Variants in CETN3 observed in about 807,000 individuals in gnomAD.
CETN3 encodes centrin 3.
A neutral mutation model predicts 20.1 loss-of-function variants in CETN3; 17 were observed. That is an observed-to-expected ratio of 0.85 (90% confidence interval 0.58 to 1.27). CETN3 has a LOEUF of 1.27. Ranked by LOEUF, CETN3 falls within the 50% of genes most tolerant of loss-of-function variation. The pLI is 0.00. For synonymous variants in CETN3, 52 were observed against 59.7 expected (o/e 0.87, Z 0.59); for missense variants, 169 against 191.2 (o/e 0.88, Z 0.69).
At chr5:90,395,364 C>T (rs1488935671) in intron 4 of CETN3, among the ~76,000 whole-genome samples, 1 of 152,078 alleles carries the variant, frequency 6.6e-6, no homozygotes, top group African/African-American at 2.4e-5. Context: ...ACATTGGTAT[C>T]ATAGCTTTAT....
At chr5:90,394,756 A>C (rs1012499333) in intron 4 of CETN3, among the ~76,000 whole-genome samples, 5 of 152,072 alleles carry the variant, frequency 3.3e-5, no homozygotes, top group Non-Finnish European at 5.9e-5. Context: ...GGCAGAAAAT[A>C]ATCATGGATA....
chr5:90,398,430 G>A (rs1472185282), intron 4 of CETN3, among the ~76,000 whole-genome samples: 1 of 152,162 alleles, frequency 6.6e-6, no homozygotes, highest in African/African-American at 2.4e-5. Context: ...TTCATAGAGC[G>A]TTATGGGAAG....
chr5:90,409,019 T>G (rs1480034221), intron 1 of CETN3, among the ~76,000 whole-genome samples: 1 of 152,138 alleles, frequency 6.6e-6, no homozygotes, highest in African/African-American at 2.4e-5. Context: ...TGGAATATTT[T>G]CGGAGTGTCG....
chr5:90,402,851 G>A (rs1011292600), intron 3 of CETN3, among the ~76,000 whole-genome samples: 1 of 152,170 alleles, frequency 6.6e-6, no homozygotes, highest in African/African-American at 2.4e-5. Flanking sequence ...TAAACTCCCT[G>A]AAAGAAGAAC....
intron 4 of CETN3, among the ~76,000 whole-genome samples, chr5:90,397,536 G>C (rs1749163808): frequency 6.6e-6 from 1 of 152,020 alleles, no homozygotes; most frequent in Non-Finnish European, 1.5e-5. Context: ...AAGTACCTTA[G>C]AGACCATCTG....
intron 1 of CETN3, among the ~76,000 whole-genome samples, chr5:90,408,756 C>T (rs1749535583): frequency 6.7e-6 from 1 of 148,814 alleles, no homozygotes; most frequent in South Asian, 2.1e-4. Flanking sequence ...ACTTAAAACA[C>T]CTATCTAGTT....
chr5:90,398,720 G>A (rs1168245511), intron 4 of CETN3, among the ~76,000 whole-genome samples: 1 of 152,156 alleles, frequency 6.6e-6, no homozygotes, highest in African/African-American at 2.4e-5. Context: ...AGGCACTGAA[G>A]AATCGTTTCA....
chr5:90,405,396 A>G (rs556385486), intron 3 of CETN3: 516 of 389,878 alleles, frequency 1.3e-3, no homozygotes, highest in Non-Finnish European at 1.5e-3. Context: ...TTTATCACAT[A>G]ATATAAATAC....
At chr5:90,395,212 G>A (rs1483323149) in intron 4 of CETN3, among the ~76,000 whole-genome samples, 1 of 151,984 alleles carries the variant, frequency 6.6e-6, no homozygotes, top group African/African-American at 2.4e-5. Context: ...TTTTTAAGTG[G>A]CTAGTGAATG....
intron 1 of CETN3, 116 bp downstream of exon 1, chr5:90,409,529 C>T: frequency 7.9e-7 from 1 of 1,259,724 alleles, no homozygotes; most frequent in Non-Finnish European, 1.2e-6. Context: ...TCCTTTCCCG[C>T]GTCCCAAACT....
intron 1 of CETN3, among the ~76,000 whole-genome samples, 192 bp downstream of exon 1, chr5:90,409,453 C>T (rs1003574648): frequency 9.9e-5 from 15 of 152,230 alleles, no homozygotes; most frequent in Non-Finnish European, 2.1e-4. Flanking sequence ...CAGAAATGCA[C>T]TGGTCTCGTT....
intron 3 of CETN3, among the ~76,000 whole-genome samples, chr5:90,403,905 A>G (rs531763741): frequency 5.4e-5 from 8 of 148,700 alleles, no homozygotes; most frequent in African/African-American, 2.0e-4. Flanking sequence ...AAAAAATCAC[A>G]ATTTTTAAAT....
chr5:90,399,600 C>A, intron 3 of CETN3, 51 bp from the exon 4 acceptor site: 1 of 1,381,560 alleles, frequency 7.2e-7, no homozygotes, highest in Non-Finnish European at 1.0e-6. Flanking sequence ...ATCACAAAGG[C>A]ATTCATTTGT....
chr5:90,398,914 C>G, intron 4 of CETN3: 1 of 231,804 alleles, frequency 4.3e-6, no homozygotes, highest in Non-Finnish European at 8.5e-6. Flanking sequence ...AGTCAACACG[C>G]AGGACACTGC....
chr5:90,404,156 T>C (rs1057301656), intron 3 of CETN3, among the ~76,000 whole-genome samples: 1 of 152,136 alleles, frequency 6.6e-6, no homozygotes, highest in South Asian at 2.1e-4. Flanking sequence ...ACTTCACATA[T>C]CATTAACTTA....
intron 3 of CETN3, among the ~76,000 whole-genome samples, chr5:90,403,600 G>A (rs1371469553): frequency 2.0e-5 from 3 of 152,006 alleles, no homozygotes; most frequent in East Asian, 1.9e-4. Context: ...GGCCGGGCGC[G>A]GTGGCTCACG....
rs1749489915 is a variant in CETN3, at chr5:90,407,721, G to C, written c.131C>G (p.Ala44Gly). 7.1e-6 allele frequency: 11 copies of C among 1,545,380 alleles called. No homozygotes were observed. The highest frequency in any genetic ancestry group is 8.8e-6 in the Non-Finnish European group (10 of 1,134,660). The change falls in exon 2 of 5, where the codon GCA (alanine) becomes GGA (glycine). Residue 44 changes from alanine (A) to glycine (G), a missense_variant. Transcript: ENST00000283122. ...TACCTTTAATTCATGATAATCTATT[G>C]CTTCATCTTTGTCTGTATCAAATAG... Reference protein sequence around the residue: ...FELFDTDKDEAIDYHELKVAM... With the variant: ...FELFDTDKDEGIDYHELKVAM...
In CETN3 at chr5:90,393,786, GTTAAA is replaced by G. The variant is rs1172846815; in HGVS notation, c.*273_*277del. The G allele has an allele frequency of 7.2e-5, 16 of 222,988 alleles. No individual in the cohort carries two copies. Among genetic ancestry groups the G allele is most frequent in the Non-Finnish European group, 1.2e-4 (14 of 115,044 alleles). 13.8% of individuals were successfully genotyped at this position (222,988 alleles called of 1,614,324 possible). A position where few individuals can be genotyped will look rare whatever the true frequency, so the allele number is the denominator to read the frequency against. ...TGTGCACTAAAAAGTGACTATAAAT[GTTAAA>G]TTAAAAAACCTTCAAAGAACACATA... On this transcript the variant is annotated 3_prime_UTR_variant, in exon 5 of 5. Coordinates refer to ENST00000283122, the MANE Select transcript of CETN3 (RefSeq NM_004365.4).
At chr5:90,394,131 T>G (rs1466493854) in intron 4 of CETN3, 24 bp from the exon 5 acceptor site, 1 of 1,449,148 alleles carries the variant, frequency 6.9e-7, no homozygotes, top group African/African-American at 1.4e-5. Context: ...GAAAATGAAA[T>G]AGTCAGAAAT....
Sources: gnomAD v4.1 joint callset for allele counts (sites outside exome capture counted in the v4.1 genomes callset) on GRCh38, gnomAD v4.1.1 for gene constraint, MANE v1.5 for transcripts, NCBI Gene and HGNC (gene_info 2026-07-23, HGNC 2026-07-21) for gene names.